DROSHA: variants seen among roughly 807,000 people sequenced by gnomAD.
DROSHA encodes the protein drosha ribonuclease III.
Under a neutral mutation model 181.9 loss-of-function variants are expected in DROSHA, and 56 were observed. That is an observed-to-expected ratio of 0.31 (90% confidence interval 0.25 to 0.38). The LOEUF (loss-of-function observed/expected upper bound fraction) is 0.38. Ranked by LOEUF, DROSHA falls within the 10% of genes least tolerant of loss-of-function variation. DROSHA has a pLI of 1.00. For missense variants in DROSHA, 1,218 were observed against 1,743.5 expected (o/e 0.70, Z 5.37); for synonymous variants, 524 against 591.2 (o/e 0.89, Z 1.65).
At chr5:31,451,889 T>C (rs1318048793) in intron 20 of DROSHA, among the ~76,000 whole-genome samples, 2 of 152,200 alleles carry the variant, frequency 1.3e-5, no homozygotes, top group Non-Finnish European at 2.9e-5. Flanking sequence ...CTGTGTGACC[T>C]GGGGCAAGTT....
chr5:31,470,786 G>A lies in DROSHA; in HGVS notation c.2241+1277C>T, dbSNP rs1749638886. Among the ~76,000 whole-genome samples, 2 of 152,048 alleles carry A rather than the reference G, an allele frequency of 1.3e-5. No individual in the cohort carries two copies. Among genetic ancestry groups the A allele is most frequent in the South Asian group, 2.1e-4 (1 of 4,822 alleles). ...ATGGAAGGAAGTCCAGGGTGAACGTGCTCCCCCCGTGTCTACCACAGAACA... is the reference window on the plus strand; with the variant it reads ...ATGGAAGGAAGTCCAGGGTGAACGTACTCCCCCCGTGTCTACCACAGAACA... On this transcript the variant is annotated intron_variant, in intron 17 of 35. Transcript: ENST00000344624. This position sits in a 1 kb window ranked among gnomAD's most constrained non-coding sequence, Gnocchi z 4.0.
chr5:31,482,739 G>A (rs1751175977), intron 16 of DROSHA, among the ~76,000 whole-genome samples: 1 of 151,400 alleles, frequency 6.6e-6, no homozygotes, highest in African/African-American at 2.4e-5. Context: ...AAGAAGGAGT[G>A]GGAATAGGGT....
intron 1 of DROSHA, 94 bp from the exon 2 acceptor site, chr5:31,531,619 T>G (rs1741398985): frequency 6.6e-6 from 1 of 152,222 alleles, no homozygotes; most frequent in African/African-American, 2.4e-5. Flanking sequence ...TTTCCCCAGG[T>G]GGATCTGCAG....
At chr5:31,434,469 T>C (rs1333784085) in intron 25 of DROSHA, among the ~76,000 whole-genome samples, 5 of 152,248 alleles carry the variant, frequency 3.3e-5, no homozygotes, top group Non-Finnish European at 7.3e-5. Flanking sequence ...GCTTACCTGG[T>C]TGCTTACAGG....
chr5:31,512,507 G>A (rs1386490399), intron 8 of DROSHA, among the ~76,000 whole-genome samples: 1 of 152,200 alleles, frequency 6.6e-6, no homozygotes, highest in East Asian at 1.9e-4. Flanking sequence ...AAGATTTGGA[G>A]AAGAGAACTC....
rs377304788 is a variant in DROSHA, at chr5:31,484,380, CAAAAAAAAAA to C, written c.1996+491_1996+500del. ...TGGGCGACAGAGCGAGACTCCGTCT[CAAAAAAAAAA>C]AAAAAAAAAAAAAAAAAAGAATACG... On this transcript the variant is annotated intron_variant, in intron 15 of 35. Transcript: ENST00000344624. 2.2e-3 allele frequency among the ~76,000 whole-genome samples: 183 copies of C among 82,984 alleles called. 2 individuals carry two copies. Among genetic ancestry groups the C allele is most frequent in the African/African-American group, 0.011 (178 of 16,622 alleles). 54.4% of individuals were successfully genotyped at this position (82,984 alleles called of 152,430 possible). A position where few individuals can be genotyped will look rare whatever the true frequency, so the allele number is the denominator to read the frequency against.
chr5:31,421,858 A>C (rs1742697901), intron 29 of DROSHA: 1 of 134,620 alleles, frequency 7.4e-6, no homozygotes, highest in African/African-American at 2.9e-5. Flanking sequence ...AACATGAAGA[A>C]ACCCCATCTC....
chr5:31,472,684 T>C (rs1482926615), intron 16 of DROSHA, among the ~76,000 whole-genome samples: 1 of 152,254 alleles, frequency 6.6e-6, no homozygotes, highest in African/African-American at 2.4e-5. Context: ...GAGATATTTA[T>C]GGATGTCTTC....
chr5:31,466,208 C>T lies in DROSHA; in HGVS notation c.2440G>A (p.Asp814Asn). The T allele has an allele frequency of 6.2e-7, 1 of 1,613,582 alleles. No homozygotes were observed. The highest frequency in any genetic ancestry group is 8.5e-7 in the Non-Finnish European group (1 of 1,179,708). Residue 814 changes from aspartate (D) to asparagine (N), a missense_variant, in exon 19 of 36, where the codon GAC becomes AAC. By Grantham distance (23) the Asp-to-Asn change is conservative. This residue lies in a region of DROSHA where 460 missense variants were observed against 774.2 expected (regional missense o/e 0.59). Coordinates refer to ENST00000344624, the MANE Select transcript of DROSHA (RefSeq NM_001382508.1). ...LANSPKVKQT[D>N]KQKLAQREEA... ...TCCCTCTGTGCCAGCTTCTGTTTGT[C>T]AGTTTGTTTGACTTTGGGACTATTT...
chr5:31,414,211 T>A (rs79307492), intron 30 of DROSHA, among the ~76,000 whole-genome samples: 2 of 150,244 alleles, frequency 1.3e-5, no homozygotes, highest in African/African-American at 4.9e-5. Context: ...TGTGAGGTAA[T>A]TTTTTTTTTA....
In DROSHA at chr5:31,404,402, C is replaced by T. The variant is rs534440478; in HGVS notation, c.3994+1275G>A. 2.0e-5 allele frequency among the ~76,000 whole-genome samples: 3 copies of T among 152,286 alleles called. No homozygotes were observed. In the East Asian group the frequency reaches 5.8e-4, roughly 29 times the overall value. On this transcript the variant is annotated intron_variant, in intron 35 of 35. Coordinates refer to ENST00000344624, the MANE Select transcript of DROSHA (RefSeq NM_001382508.1). The stretch of plus-strand genomic sequence containing the variant: ...GGATGCTGGACCCTGGCAGCATCAG[C>T]GTCTGCTCCCACTAAACTCCCTGCC...
rs145816433 is a variant in DROSHA at position 31,528,911 on chromosome 5, T to G, written c.20+129A>C. 9 of 1,279,066 alleles carry G rather than the reference T, an allele frequency of 7.0e-6. 1 individual carries two copies. In the African/African-American group the frequency reaches 1.2e-4, roughly 17 times the overall value. The allele number at this position is 1,279,066 out of a possible 1,614,324, so 79.2% of individuals were successfully genotyped here. ...GCCCTCTATTGTATTGTGCCCACTG[T>G]TGAAAGAATGAGCACATTATCCCCT... On this transcript the variant is annotated intron_variant, in intron 4 of 35. Transcript: ENST00000344624.
At chr5:31,461,806 T>C (rs890528582) in intron 20 of DROSHA, among the ~76,000 whole-genome samples, 2 of 151,782 alleles carry the variant, frequency 1.3e-5, no homozygotes, top group African/African-American at 4.8e-5. Context: ...TCCCGTGTCA[T>C]GAATGAGTTG....
rs780690704 is a variant in DROSHA, at chr5:31,494,842, T to TTTTTTGTA, written c.1755+436_1755+443dup. 2.7e-3 allele frequency among the ~76,000 whole-genome samples: 416 copies of TTTTTTGTA among 152,082 alleles called. 13 individuals are homozygous for TTTTTTGTA. The East Asian group carries it at 0.044, about 16-fold the overall frequency. The stretch of plus-strand genomic sequence containing the variant: ...GGTGCCCGCCACCATGCCCGGCTAA[T>TTTTTTGTA]TTTTTGTATTTTTAGTAGAGATGGG... On this transcript the variant is annotated intron_variant, in intron 12 of 35. Transcript: ENST00000344624.
chr5:31,406,086 G>A (rs533250765), intron 34 of DROSHA, among the ~76,000 whole-genome samples: 3 of 152,068 alleles, frequency 2.0e-5, no homozygotes, highest in African/African-American at 7.2e-5. Context: ...AATACAGACA[G>A]GTTTCAAATC....
chr5:31,522,456 T>C (rs545186911), intron 5 of DROSHA, among the ~76,000 whole-genome samples: 1 of 57,164 alleles, frequency 1.7e-5, no homozygotes, highest in Non-Finnish European at 5.8e-5. Context: ...TCTAATATAT[T>C]TTTTTTTACC....
chr5:31,423,687 C>A (rs1743064780), intron 28 of DROSHA, among the ~76,000 whole-genome samples: 1 of 152,144 alleles, frequency 6.6e-6, no homozygotes, highest in Admixed American at 6.5e-5. Flanking sequence ...GAATTAATGT[C>A]ATTTCTTACT....
intron 5 of DROSHA, among the ~76,000 whole-genome samples, chr5:31,522,577 A>G (rs1010513282): frequency 5.3e-5 from 8 of 152,226 alleles, no homozygotes; most frequent in African/African-American, 1.9e-4. Context: ...CATTAGTAAC[A>G]CTATTAAGAC....
chr5:31,404,464 T>G (rs577222030), intron 35 of DROSHA, among the ~76,000 whole-genome samples: 1 of 152,334 alleles, frequency 6.6e-6, no homozygotes, highest in South Asian at 2.1e-4. Context: ...CACTTGGCTG[T>G]TGGCCTGCTT....
Sources: gnomAD v4.1 joint callset for allele counts (sites outside exome capture counted in the v4.1 genomes callset) on GRCh38, gnomAD v4.1.1 for gene constraint, gnomAD v4.1.1 regional missense constraint, Gnocchi (gnomAD v3.1) non-coding constraint, MANE v1.5 for transcripts, NCBI Gene and HGNC (gene_info 2026-07-23, HGNC 2026-07-21) for gene names.